Variants in TACC1 observed in about 807,000 individuals in gnomAD.
The protein encoded by TACC1 is transforming acidic coiled-coil-containing protein 1.
Under a neutral mutation model 84.4 loss-of-function variants are expected in TACC1, and 48 were observed. The ratio of observed to expected loss-of-function variants is 0.57; its 90% CI spans 0.45 to 0.72. The LOEUF (loss-of-function observed/expected upper bound fraction) is 0.72. Ranked by LOEUF, TACC1 falls within the 30% of genes least tolerant of loss-of-function variation. The pLI is 0.00. For missense variants in TACC1, 920 were observed against 973.0 expected, an observed-to-expected ratio of 0.95 and a Z score of 0.72; for synonymous variants, 372 against 376.3, an observed-to-expected ratio of 0.99 and a Z score of 0.13.
intron 3 of TACC1, among the ~76,000 whole-genome samples, chr8:38,773,945 T>C (rs1218046351): frequency 2.0e-5 from 3 of 152,214 alleles, no homozygotes; most frequent in Non-Finnish European, 4.4e-5. Context: ...ACTGCCTATG[T>C]AGTCAAAAAT....
chr8:38,824,645 G>A (rs1389138618), intron 3 of TACC1: 1 of 152,482 alleles, frequency 6.6e-6, no homozygotes, highest in African/African-American at 2.4e-5. Context: ...ATCTGAATTA[G>A]TCCTGTGATC....
chr8:38,839,501 T>G, intron 8 of TACC1: 1 of 344,776 alleles, frequency 2.9e-6, no homozygotes, highest in Non-Finnish European at 5.3e-6. Flanking sequence ...ATTTCCTAGG[T>G]GTAAGGCCCT....
At chr8:38,825,412 C>A (rs1827825504) in intron 4 of TACC1, 44 bp downstream of exon 4, 1 of 1,608,742 alleles carries the variant, frequency 6.2e-7, no homozygotes, top group Admixed American at 1.7e-5. Flanking sequence ...GACCAGGGGT[C>A]CTCCAGTGGG....
At chr8:38,822,161 C>A (rs971294793) in intron 3 of TACC1, among the ~76,000 whole-genome samples, 1 of 148,004 alleles carries the variant, frequency 6.8e-6, no homozygotes, top group African/African-American at 2.5e-5. Context: ...AGGAGGATTG[C>A]TTGAGCCCAG....
intron 1 of TACC1, among the ~76,000 whole-genome samples, chr8:38,733,256 C>T (rs547243188): frequency 6.6e-6 from 1 of 152,034 alleles, no homozygotes; most frequent in Non-Finnish European, 1.5e-5. Flanking sequence ...CACCAAGCCC[C>T]GCTCTGCAAT....
rs143404358 is a variant in TACC1 at position 38,732,554 on chromosome 8, C to G, written c.-675+3883C>G. Among the ~76,000 whole-genome samples, 232 of 152,268 alleles carry G rather than the reference C, an allele frequency of 1.5e-3. 3 individuals are homozygous for G. The highest frequency in any genetic ancestry group is 5.0e-3 in the African/African-American group (207 of 41,542). ...AATGATCTTGAAACTAGTTTGCCAACTTTTACTTGAAGTAGAAGTAGATGA... is the reference window on the plus strand; with the variant it reads ...AATGATCTTGAAACTAGTTTGCCAAGTTTTACTTGAAGTAGAAGTAGATGA... On this transcript the variant is annotated intron_variant, in intron 1 of 14. Coordinates refer to the TACC1 transcript ENST00000518415.
chr8:38,787,201 G>A (rs918233384), upstream of TACC1: 1 of 989,268 alleles, frequency 1.0e-6, no homozygotes, highest in Non-Finnish European at 1.2e-6. Flanking sequence ...CGGCTCCGGC[G>A]GCAGCTGATG....
intron 2 of TACC1, among the ~76,000 whole-genome samples, chr8:38,798,536 A>T (rs1820525790): frequency 6.6e-6 from 1 of 150,948 alleles, no homozygotes; most frequent in East Asian, 2.0e-4. Context: ...CTTCTGGGTA[A>T]TGTTTTTGTT....
chr8:38,787,240 C>G lies in TACC1; in HGVS notation c.-343C>G. On this transcript the variant is annotated 5_prime_UTR_variant, in exon 1 of 13. Coordinates refer to ENST00000317827, the MANE Select transcript of TACC1 (RefSeq NM_006283.3). ...GCCCCGCCGGCCGGGAGGCGGGAGT[C>G]CGCGAGCCGGGAGCGGGAGCAGCAG... is the stretch of plus-strand genomic sequence containing the variant. The G allele has an allele frequency of 6.9e-6, 7 of 1,014,460 alleles. No individual in the cohort carries two copies. The highest frequency in any genetic ancestry group is 8.2e-6 in the Non-Finnish European group (7 of 849,612). 62.8% of individuals were successfully genotyped at this position (1,014,460 alleles called of 1,614,324 possible).
intron 3 of TACC1, among the ~76,000 whole-genome samples, chr8:38,761,754 G>A (rs1811247351): frequency 6.6e-6 from 1 of 152,186 alleles, no homozygotes; most frequent in African/African-American, 2.4e-5. Context: ...TGCTATAGAA[G>A]TTTTTTAAAT....
intron 3 of TACC1, among the ~76,000 whole-genome samples, chr8:38,747,412 A>G (rs1808273739): frequency 6.6e-6 from 1 of 152,248 alleles, no homozygotes; most frequent in Non-Finnish European, 1.5e-5. Context: ...ATGGATGTTT[A>G]TAGCAACTTT....
intron 8 of TACC1, chr8:38,839,851 A>T (rs561850494): frequency 6.0e-6 from 1 of 166,300 alleles, no homozygotes; most frequent in African/African-American, 2.4e-5. Flanking sequence ...GTCAGATCGC[A>T]TCTGTTAGGA....
At chr8:38,761,748 A>G (rs1811245967) in intron 3 of TACC1, among the ~76,000 whole-genome samples, 1 of 152,250 alleles carries the variant, frequency 6.6e-6, no homozygotes, top group Non-Finnish European at 1.5e-5. Flanking sequence ...CCCATTTGCT[A>G]TAGAAGTTTT....
intron 9 of TACC1, 197 bp downstream of exon 9, chr8:38,840,464 TAG>T: frequency 2.1e-6 from 1 of 470,774 alleles, no homozygotes. Flanking sequence ...AGGGGCTGGC[TAG>T]CTCTCTGGGG....
chr8:38,787,596 C>T lies in TACC1; in HGVS notation c.14C>T (p.Pro5Leu). 6.5e-7 allele frequency: 1 copy of T among 1,543,406 alleles called. No homozygotes were observed. Among genetic ancestry groups the T allele is most frequent in the Non-Finnish European group, 8.7e-7 (1 of 1,143,358 alleles). The change falls in exon 1 of 13, where the codon CCG becomes CTG. Residue 5 changes from proline (P) to leucine (L), a missense_variant. Pro to Leu is a moderately conservative substitution (Grantham distance 98). Transcript: ENST00000317827. ...GGAGCCGCGCTCATGGCGTTCAGCC[C>T]GTGGCAGATCCTGTCCCCCGTGCAG... MAFS[P>L]WQILSPVQWA... is the part of the protein sequence containing the mutation.
At chr8:38,772,240 T>C (rs1176787318) in intron 3 of TACC1, among the ~76,000 whole-genome samples, 1 of 152,234 alleles carries the variant, frequency 6.6e-6, no homozygotes, top group Non-Finnish European at 1.5e-5. Flanking sequence ...AAAGGCTGTC[T>C]CATATACTGT....
At chr8:38,789,470 C>T (rs147011654) in intron 2 of TACC1, among the ~76,000 whole-genome samples, 26 of 152,346 alleles carry the variant, frequency 1.7e-4, no homozygotes, top group African/African-American at 6.0e-4. Context: ...ATAGAGTGCA[C>T]TGTGATTCAG....
intron 3 of TACC1, among the ~76,000 whole-genome samples, chr8:38,752,327 C>G (rs1390818150): frequency 6.6e-6 from 1 of 151,920 alleles, no homozygotes; most frequent in Non-Finnish European, 1.5e-5. Context: ...AAAAATTAGC[C>G]AGATGTGGTG....
At chr8:38,797,126 A>G (rs1219658235) in intron 2 of TACC1, among the ~76,000 whole-genome samples, 2 of 152,248 alleles carry the variant, frequency 1.3e-5, no homozygotes, top group Admixed American at 6.5e-5. Flanking sequence ...TTGCTTGAGT[A>G]TCCTCACAGC....
Sources: allele counts gnomAD v4.1 joint callset (sites outside exome capture counted in the v4.1 genomes callset), GRCh38; gene constraint gnomAD v4.1.1; transcripts MANE v1.5; gene names NCBI Gene and HGNC (gene_info 2026-07-23, HGNC 2026-07-21).